The following POFUT3 variants were observed in gnomAD, a reference collection of about 807,000 sequenced individuals.
POFUT3 encodes the protein protein O-fucosyltransferase 3.
chr8:33,350,213 G>A, the POFUT3 span, among the ~76,000 whole-genome samples: 7 of 152,176 alleles, frequency 4.6e-5, no homozygotes, highest in East Asian at 5.8e-4. Flanking sequence ...TCTCTGGGTC[G>A]TCTGTTTCCT....
At chr8:33,428,525 T>C in the POFUT3 span, among the ~76,000 whole-genome samples, 1 of 152,176 alleles carries the variant, frequency 6.6e-6, no homozygotes, top group Non-Finnish European at 1.5e-5. Flanking sequence ...ACAAGGGAGA[T>C]GGTAACCTAT....
chr8:33,436,532 G>T, the POFUT3 span: 14 of 1,070,056 alleles, frequency 1.3e-5, 1 homozygote, highest in African/African-American at 2.0e-4. Flanking sequence ...AGCTTGTGAT[G>T]GTGCAGGTTG....
chr8:33,454,046 G>A, the POFUT3 span, among the ~76,000 whole-genome samples: 1 of 152,198 alleles, frequency 6.6e-6, no homozygotes, highest in African/African-American at 2.4e-5. Context: ...AGGATTGCTT[G>A]AGCCCAGAAG....
the POFUT3 span, among the ~76,000 whole-genome samples, chr8:33,316,223 C>T: frequency 1.3e-5 from 2 of 152,048 alleles, no homozygotes; most frequent in African/African-American, 4.8e-5. Flanking sequence ...CTTCCTGCTT[C>T]TATGGTGCTG....
At chr8:33,383,013 T>C in the POFUT3 span, among the ~76,000 whole-genome samples, 3 of 152,048 alleles carry the variant, frequency 2.0e-5, no homozygotes, top group African/African-American at 7.2e-5. Context: ...GTGGGACAAA[T>C]TTTGGACTAC....
the POFUT3 span, among the ~76,000 whole-genome samples, chr8:33,344,520 T>C: frequency 6.6e-6 from 1 of 152,228 alleles, no homozygotes; most frequent in Non-Finnish European, 1.5e-5. Flanking sequence ...CTCCATGGCC[T>C]TTTCTGCTGC....
At chr8:33,467,636 G>C in the POFUT3 span, among the ~76,000 whole-genome samples, 5 of 152,214 alleles carry the variant, frequency 3.3e-5, no homozygotes, top group African/African-American at 1.2e-4. Context: ...CTGCTGCACA[G>C]AGTGGGGTTT....
At chr8:33,444,416 T>G in the POFUT3 span, among the ~76,000 whole-genome samples, 12,391 of 152,010 alleles carry the variant, frequency 0.082, 644 homozygotes, top group African/African-American at 0.15. Flanking sequence ...GGGCAGAACG[T>G]GTGTGCTCGC....
At chr8:33,342,872 G>A in the POFUT3 span, among the ~76,000 whole-genome samples, 91 of 152,248 alleles carry the variant, frequency 6.0e-4, 1 homozygote, top group East Asian at 8.3e-3. Context: ...TTGGGATGCC[G>A]AGGCGGGCAG....
chr8:33,381,631 G>A, the POFUT3 span, among the ~76,000 whole-genome samples: 33 of 152,176 alleles, frequency 2.2e-4, no homozygotes, highest in Non-Finnish European at 4.0e-4. Flanking sequence ...GCTAGAAAGC[G>A]TTAAAATGAA....
the POFUT3 span, among the ~76,000 whole-genome samples, chr8:33,360,051 A>G: frequency 6.6e-6 from 1 of 151,858 alleles, no homozygotes; most frequent in African/African-American, 2.4e-5. Context: ...AACAAAAAAC[A>G]AAACAAACTA....
the POFUT3 span, among the ~76,000 whole-genome samples, chr8:33,345,927 G>A: frequency 6.6e-6 from 1 of 150,858 alleles, no homozygotes; most frequent in Non-Finnish European, 1.5e-5. Context: ...CTGGGTTCAA[G>A]TGATTCTCCT....
the POFUT3 span, among the ~76,000 whole-genome samples, chr8:33,405,736 G>A: frequency 6.6e-6 from 1 of 152,198 alleles, no homozygotes; most frequent in Non-Finnish European, 1.5e-5. Flanking sequence ...CTCGTGTGAA[G>A]TCTATTAAAT....
At chr8:33,341,796 T>C in the POFUT3 span, among the ~76,000 whole-genome samples, 1 of 152,150 alleles carries the variant, frequency 6.6e-6, no homozygotes, top group Non-Finnish European at 1.5e-5. Context: ...TGGTGGCTAG[T>C]GCCTGTAATC....
the POFUT3 span, among the ~76,000 whole-genome samples, chr8:33,308,612 G>A: frequency 6.6e-6 from 1 of 152,174 alleles, no homozygotes; most frequent in African/African-American, 2.4e-5. Flanking sequence ...CCAAGTCCCA[G>A]AACAGGTTGT....
At chr8:33,317,592 A>G in the POFUT3 span, among the ~76,000 whole-genome samples, 1 of 152,128 alleles carries the variant, frequency 6.6e-6, no homozygotes, top group Non-Finnish European at 1.5e-5. Context: ...TGAAATGTAT[A>G]AGCCCTGTCT....
chr8:33,389,470 C>G, the POFUT3 span: 2 of 1,614,218 alleles, frequency 1.2e-6, no homozygotes, highest in Non-Finnish European at 1.7e-6. Flanking sequence ...CGATGTAAGT[C>G]ATCAGCTCGC....
chr8:33,422,545 CAAAAA>C, the POFUT3 span, among the ~76,000 whole-genome samples: 3 of 37,130 alleles, frequency 8.1e-5, no homozygotes, highest in African/African-American at 1.6e-4. Flanking sequence ...AACTCTGTCT[CAAAAA>C]AAAAAAAAAA....
the POFUT3 span, among the ~76,000 whole-genome samples, chr8:33,437,432 T>C: frequency 3.9e-5 from 6 of 152,004 alleles, no homozygotes; most frequent in Non-Finnish European, 5.9e-5. Flanking sequence ...AAGACACTTT[T>C]ATTGGAGGGG....
Sources: gnomAD v4.1 joint callset for allele counts (sites outside exome capture counted in the v4.1 genomes callset) on GRCh38, gnomAD v4.1.1 for gene constraint, MANE v1.5 for transcripts, NCBI Gene and HGNC (gene_info 2026-07-23, HGNC 2026-07-21) for gene names.